The following ZFHX3 variants were observed in gnomAD, a reference collection of about 807,000 sequenced individuals.
ZFHX3 encodes the protein zinc finger homeobox protein 3.
Under a neutral mutation model 279.1 loss-of-function variants are expected in ZFHX3, and 42 were observed. That is an observed-to-expected ratio of 0.15 (90% CI 0.12 to 0.19). The LOEUF is 0.19. ZFHX3 is among the 10% of genes least tolerant of loss of function. ZFHX3 has a pLI of 1.00. For synonymous variants in ZFHX3, 2,293 were observed against 1,957.8 expected (o/e 1.17, Z -4.52); for missense variants, 4,981 against 4,754.0 (o/e 1.05, Z -1.40).
At chr16:73,471,358 A>C (rs1415249495) in intron 2 of ZFHX3, among the ~76,000 whole-genome samples, 1 of 152,134 alleles carries the variant, frequency 6.6e-6, no homozygotes, top group Non-Finnish European at 1.5e-5. Flanking sequence ...CATGCCCTAC[A>C]TTGGTTACAT....
At chr16:73,349,590 T>C (rs2016186024) in intron 3 of ZFHX3, among the ~76,000 whole-genome samples, 1 of 150,746 alleles carries the variant, frequency 6.6e-6, no homozygotes, top group African/African-American at 2.5e-5. Flanking sequence ...GTCTATCGCT[T>C]TACCTCTCTC....
chr16:72,794,087 G>A lies in ZFHX3; in HGVS notation c.8595C>T (p.Thr2865=), dbSNP rs766265767. The part of the protein sequence containing the change: ...NDSATGIATE[T]KSSSAPNEGL... ...CTTCGTTGGGTGCAGAAGAGGATTT[G>A]GTTTCAGTTGCTATTCCCGTTGCAC... is the stretch of plus-strand genomic sequence containing the variant. The change falls in exon 9 of 10, where the codon ACC becomes ACT. Residue 2865 remains threonine, a synonymous_variant. Transcript: ENST00000268489. This position sits in a 1 kb window ranked among gnomAD's most constrained non-coding sequence, Gnocchi z 4.2. 18 of 1,614,216 alleles carry A rather than the reference G, an allele frequency of 1.1e-5. No homozygotes were observed. The highest frequency in any genetic ancestry group is 1.4e-5 in the Non-Finnish European group (17 of 1,180,046).
chr16:73,132,148 G>A (rs1308991272), intron 6 of ZFHX3, among the ~76,000 whole-genome samples: 1 of 152,102 alleles, frequency 6.6e-6, no homozygotes, highest in Non-Finnish European at 1.5e-5. Context: ...AGCCCCATGA[G>A]GTGGCACACA....
intron 1 of ZFHX3, among the ~76,000 whole-genome samples, chr16:73,751,495 T>C (rs328337): frequency 0.069 from 10,397 of 150,964 alleles, 452 homozygotes; most frequent in African/African-American, 0.12. Context: ...GAATGTCTAA[T>C]CATGTACATG....
intron 2 of ZFHX3, among the ~76,000 whole-genome samples, chr16:73,562,956 A>G (rs568598107): frequency 6.6e-6 from 1 of 152,308 alleles, no homozygotes; most frequent in East Asian, 1.9e-4. Context: ...CTTGCCTCCC[A>G]TAAGGGAAAC....
intron 4 of ZFHX3, among the ~76,000 whole-genome samples, chr16:73,260,680 GTTTTTTTTTTTTTTT>G (rs370384540): frequency 5.7e-5 from 5 of 88,380 alleles, no homozygotes; most frequent in African/African-American, 8.4e-5. Flanking sequence ...CACCTATCTG[GTTTTTTTTTTTTTTT>G]TTTTTTTTTT....
intron 3 of ZFHX3, among the ~76,000 whole-genome samples, chr16:72,924,945 C>G (rs915886665): frequency 1.3e-5 from 2 of 152,142 alleles, no homozygotes; most frequent in Non-Finnish European, 2.9e-5. Flanking sequence ...GACCCAAAAA[C>G]GGAGAAGGCA....
At chr16:72,901,851 T>C (rs2039045347) in intron 3 of ZFHX3, among the ~76,000 whole-genome samples, 1 of 152,152 alleles carries the variant, frequency 6.6e-6, no homozygotes, top group African/African-American at 2.4e-5. Context: ...CAGCTCTGCT[T>C]TTGGGTTCCC....
Position 72,889,842 on chromosome 16 carries a change from G to T in ZFHX3, c.3337C>A (p.Gln1113Lys), listed in dbSNP as rs754595774. ...LIQHVRSMKH[Q>K]RSESLRKLQR... is the part of the protein sequence containing the mutation. Reference sequence around the variant, plus strand: ...AGCTTTCGCAGGCTCTCGCTTCGCTGGTGCTTCATGGAGCGCACATGCTGG... The same window carrying T: ...AGCTTTCGCAGGCTCTCGCTTCGCTTGTGCTTCATGGAGCGCACATGCTGG... Residue 1113 changes from glutamine to lysine, a missense_variant, in exon 4 of 10, where the codon CAG becomes AAG. By Grantham distance (53) the Gln-to-Lys change is moderately conservative. Coordinates refer to ENST00000268489, the MANE Select transcript of ZFHX3 (RefSeq NM_006885.4). 3 of 1,614,122 alleles carry T rather than the reference G, an allele frequency of 1.9e-6. No homozygotes were observed. In the South Asian group the frequency reaches 3.3e-5, roughly 18 times the overall value.
intron 8 of ZFHX3, among the ~76,000 whole-genome samples, chr16:73,082,571 A>G (rs1037545991): frequency 1.3e-5 from 2 of 152,244 alleles, no homozygotes; most frequent in East Asian, 3.9e-4. Flanking sequence ...GCCCAGCCAA[A>G]TGAATGAATT....
intron 4 of ZFHX3, among the ~76,000 whole-genome samples, chr16:72,830,806 G>A (rs2037043180): frequency 6.6e-6 from 1 of 152,204 alleles, no homozygotes; most frequent in African/African-American, 2.4e-5. Flanking sequence ...AGTGGGCTAA[G>A]GGAATGAATA....
intron 1 of ZFHX3, among the ~76,000 whole-genome samples, chr16:73,745,034 A>AT (rs1449529727): frequency 6.6e-6 from 1 of 151,994 alleles, no homozygotes; most frequent in African/African-American, 2.4e-5. Flanking sequence ...AAACCCTTCA[A>AT]TTTTTTTTGA....
intron 1 of ZFHX3, among the ~76,000 whole-genome samples, chr16:73,875,304 G>A (rs1347499801): frequency 6.6e-6 from 1 of 152,092 alleles, no homozygotes; most frequent in African/African-American, 2.4e-5. Context: ...ATTTCCCATA[G>A]TGTATGGAAT....
chr16:73,278,223 C>T (rs1458013133), intron 4 of ZFHX3, among the ~76,000 whole-genome samples: 3 of 152,156 alleles, frequency 2.0e-5, no homozygotes, highest in Admixed American at 6.5e-5. Flanking sequence ...CTGATATTCT[C>T]CTAAGTTAAA....
intron 2 of ZFHX3, among the ~76,000 whole-genome samples, chr16:73,472,269 A>T (rs1254953762): frequency 2.9e-5 from 1 of 34,006 alleles, no homozygotes. Context: ...TTTAAATCTT[A>T]AAAAAAAAAA....
In ZFHX3 at chr16:72,900,801, G is replaced by A. The variant is rs568439941; in HGVS notation, c.3217-10839C>T. On this transcript the variant is annotated intron_variant, in intron 3 of 9. Coordinates refer to ENST00000268489, the MANE Select transcript of ZFHX3 (RefSeq NM_006885.4). ...CAGTCTCCCAGGTCATCATGACGCC[G>A]ATCTGGGACCACACTTTGAGAACCG... 2.0e-5 allele frequency among the ~76,000 whole-genome samples: 3 copies of A among 152,180 alleles called. No individual in the cohort carries two copies. In the East Asian group the frequency reaches 5.8e-4, roughly 29 times the overall value.
chr16:72,798,591 T>G lies in ZFHX3; in HGVS notation c.4091A>C (p.Lys1364Thr), dbSNP rs756293970. The change falls in exon 9 of 10, where the codon AAG becomes ACG. Residue 1364 changes from lysine to threonine, a missense_variant. Physicochemically the swap from Lys to Thr is moderately conservative, Grantham distance 78. Coordinates refer to ENST00000268489, the MANE Select transcript of ZFHX3 (RefSeq NM_006885.4). ...VREDSGFICW[K>T]KGCNQVFKTS... ...TTTGAAAACCTGGTTGCACCCCTTC[T>G]TCCAGCAGATGAAGCCTGAGTCTTC... 9.3e-6 allele frequency: 15 copies of G among 1,614,084 alleles called. No homozygotes were observed. The Admixed American group carries it at 2.3e-4, about 25-fold the overall frequency.
intron 3 of ZFHX3, among the ~76,000 whole-genome samples, chr16:73,344,553 A>G (rs2016090713): frequency 6.6e-6 from 1 of 152,216 alleles, no homozygotes; most frequent in Non-Finnish European, 1.5e-5. Context: ...CAATTTTCTG[A>G]TTTAGATAAT....
intron 1 of ZFHX3, among the ~76,000 whole-genome samples, chr16:73,730,663 C>T (rs748855903): frequency 2.6e-5 from 4 of 152,102 alleles, no homozygotes; most frequent in Non-Finnish European, 5.9e-5. Flanking sequence ...GAACTTAAGC[C>T]TCGTTTATGC....
Sources: allele counts gnomAD v4.1 joint callset (sites outside exome capture counted in the v4.1 genomes callset), GRCh38; gene constraint gnomAD v4.1.1; non-coding constraint Gnocchi (gnomAD v3.1); transcripts MANE v1.5; gene names NCBI Gene and HGNC (gene_info 2026-07-23, HGNC 2026-07-21).